Variants in LYRM4 observed in about 807,000 individuals in gnomAD.
The protein encoded by LYRM4 is LYR motif containing 4, also known as LYR motif-containing protein 4.
A neutral mutation model predicts 11.7 loss-of-function variants in LYRM4; 9 were observed. That is an observed-to-expected ratio of 0.77 (90% CI 0.46 to 1.34). The LOEUF is 1.34. Ranked by LOEUF, LYRM4 falls within the 40% of genes most tolerant of loss-of-function variation. LYRM4 has a pLI of 0.00. For missense variants in LYRM4, 133 were observed against 112.5 expected, an observed-to-expected ratio of 1.18 and a Z score of -0.82; for synonymous variants, 42 against 40.4, an observed-to-expected ratio of 1.04 and a Z score of -0.15.
At chr6:5,140,429 G>C (rs1757342088) in intron 2 of LYRM4, among the ~76,000 whole-genome samples, 2 of 152,170 alleles carry the variant, frequency 1.3e-5, no homozygotes, top group African/African-American at 4.8e-5. Context: ...AAATCTGTTT[G>C]GAGGAAGGAA....
At chr6:5,244,206 A>G (rs1444006018) in intron 1 of LYRM4, among the ~76,000 whole-genome samples, 1 of 152,230 alleles carries the variant, frequency 6.6e-6, no homozygotes, top group East Asian at 1.9e-4. Context: ...TCAATACTTT[A>G]TTATAAAATA....
At chr6:5,164,183 T>C (rs1347933441) in intron 2 of LYRM4, among the ~76,000 whole-genome samples, 1 of 152,196 alleles carries the variant, frequency 6.6e-6, no homozygotes, top group Non-Finnish European at 1.5e-5. Flanking sequence ...TTGGTAGTAT[T>C]TTCTACAGCT....
chr6:5,037,009 AT>A, the LYRM4 span, among the ~76,000 whole-genome samples: 81 of 28,720 alleles, frequency 2.8e-3, 19 homozygotes, highest in Middle Eastern at 0.056. Flanking sequence ...TTTAGCTTGT[AT>A]TTTTTTTTTT....
At chr6:5,114,015 T>C (rs1251131693) in intron 2 of LYRM4, among the ~76,000 whole-genome samples, 2 of 152,150 alleles carry the variant, frequency 1.3e-5, no homozygotes, top group Non-Finnish European at 2.9e-5. Context: ...CATCTAGAAG[T>C]TTACACTCTC....
intron 1 of LYRM4, among the ~76,000 whole-genome samples, chr6:5,232,640 C>T (rs530745688): frequency 6.6e-6 from 1 of 152,284 alleles, no homozygotes; most frequent in African/African-American, 2.4e-5. Flanking sequence ...TATGTAGATA[C>T]CAGGTTGCAA....
chr6:5,085,615 G>C, the LYRM4 span: 6 of 1,547,790 alleles, frequency 3.9e-6, no homozygotes, highest in South Asian at 4.8e-5. Context: ...CGGCGGTGGC[G>C]CTTCGGAGAC....
At chr6:5,202,075 T>G (rs1447968027) in intron 2 of LYRM4, among the ~76,000 whole-genome samples, 1 of 152,260 alleles carries the variant, frequency 6.6e-6, no homozygotes, top group Non-Finnish European at 1.5e-5. Context: ...TGCTTCAGCC[T>G]CCATAATCAG....
chr6:5,133,883 T>C (rs1420971615), intron 2 of LYRM4, among the ~76,000 whole-genome samples: 1 of 152,218 alleles, frequency 6.6e-6, no homozygotes, highest in African/African-American at 2.4e-5. Context: ...CAGGCTTCTT[T>C]CATTTACCGC....
At chr6:5,252,649 T>C (rs745658337) in intron 1 of LYRM4, among the ~76,000 whole-genome samples, 2 of 152,232 alleles carry the variant, frequency 1.3e-5, no homozygotes, top group Non-Finnish European at 2.9e-5. Context: ...ATCCTAATTT[T>C]CCAGCCTGTT....
rs61670380 is a variant in LYRM4, at chr6:5,148,662, CCTCTCT to C, written c.208-39177_208-39172del. 3.3e-3 allele frequency among the ~76,000 whole-genome samples: 497 copies of C among 149,472 alleles called. 6 individuals are homozygous for C. The East Asian group carries it at 0.036, about 11-fold the overall frequency. The stretch of plus-strand genomic sequence containing the variant: ...AGGTAATGACCTTTACACACACACA[CCTCTCT>C]CTCTCTCTCTCTCTCTGCTTATAGT... On this transcript the variant is annotated intron_variant, in intron 2 of 2. Coordinates refer to ENST00000330636, the MANE Select transcript of LYRM4 (RefSeq NM_020408.6).
chr6:5,256,778 T>TA (rs1056697717), intron 1 of LYRM4, among the ~76,000 whole-genome samples: 10 of 151,926 alleles, frequency 6.6e-5, no homozygotes, highest in African/African-American at 2.4e-4. Context: ...AAATATGAAC[T>TA]AAAAAACCCT....
At chr6:5,049,702 C>T in the LYRM4 span, among the ~76,000 whole-genome samples, 2 of 148,202 alleles carry the variant, frequency 1.3e-5, no homozygotes, top group African/African-American at 5.1e-5. Flanking sequence ...CAGAGTCTTG[C>T]TTTGTCACCC....
rs1448237177 is a variant in LYRM4 at position 5,158,426 on chromosome 6, GGCAGGTTTATTTCTCTGGTCT to G, written c.208-48956_208-48936del. On this transcript the variant is annotated intron_variant, in intron 2 of 2. Transcript: ENST00000330636. ...ACACAGAGTGAGATAAATTGGCTATGGCAGGTTTATTTCTCTGGTCTGCAGGTTTATTTCTCTGGTCTCCAC... is the reference window on the plus strand; with the variant it reads ...ACACAGAGTGAGATAAATTGGCTATGGCAGGTTTATTTCTCTGGTCTCCAC... Among the ~76,000 whole-genome samples the G allele has an allele frequency of 6.6e-5, 10 of 150,762 alleles. No homozygotes were observed. The South Asian group carries it at 8.4e-4, about 13-fold the overall frequency.
At chr6:5,166,189 A>G (rs1759077433) in intron 2 of LYRM4, among the ~76,000 whole-genome samples, 1 of 152,232 alleles carries the variant, frequency 6.6e-6, no homozygotes, top group South Asian at 2.1e-4. Flanking sequence ...AAAATTTTTT[A>G]AGAAACACAT....
intron 2 of LYRM4, among the ~76,000 whole-genome samples, chr6:5,169,157 G>A (rs753231906): frequency 6.6e-6 from 1 of 152,012 alleles, no homozygotes; most frequent in African/African-American, 2.4e-5. Context: ...AGAAACTCCT[G>A]GGCTCAAGCG....
intron 1 of LYRM4, among the ~76,000 whole-genome samples, chr6:5,246,412 C>G (rs2127763813): frequency 6.6e-6 from 1 of 152,278 alleles, no homozygotes; most frequent in African/African-American, 2.4e-5. Context: ...GGGTTCAGTT[C>G]TCTGTTCTCC....
At chr6:5,245,755 G>A (rs556492712) in intron 1 of LYRM4, among the ~76,000 whole-genome samples, 64 of 152,310 alleles carry the variant, frequency 4.2e-4, no homozygotes, top group Non-Finnish European at 6.3e-4. Flanking sequence ...CTGTGGAAAC[G>A]TGTATGGGGC....
chr6:5,160,144 C>T (rs1347604851), intron 2 of LYRM4, among the ~76,000 whole-genome samples: 1 of 152,144 alleles, frequency 6.6e-6, no homozygotes, highest in Non-Finnish European at 1.5e-5. Flanking sequence ...TTTTCTTCAG[C>T]TGTGTCTATT....
downstream of LYRM4, among the ~76,000 whole-genome samples, chr6:5,099,083 G>A (rs1197772549): frequency 1.3e-5 from 2 of 152,086 alleles, no homozygotes; most frequent in Admixed American, 1.3e-4. This position sits in a 1 kb window ranked among gnomAD's most constrained non-coding sequence, Gnocchi z 4.3. Context: ...GGGTGGGTGG[G>A]TCACGGCTTT....
Sources: allele counts gnomAD v4.1 joint callset (sites outside exome capture counted in the v4.1 genomes callset), GRCh38; gene constraint gnomAD v4.1.1; non-coding constraint Gnocchi (gnomAD v3.1); transcripts MANE v1.5; gene names NCBI Gene and HGNC (gene_info 2026-07-23, HGNC 2026-07-21).